The following STK31 variants were observed in gnomAD, a reference collection of about 807,000 sequenced individuals.
The protein encoded by STK31 is serine/threonine-protein kinase 31.
STK31 carries 89 observed loss-of-function variants against 129.7 expected under a neutral mutation model. That is an observed-to-expected ratio of 0.69 (90% CI 0.58 to 0.82). The LOEUF (loss-of-function observed/expected upper bound fraction) is 0.82, where lower values mean the gene tolerates loss of function less well. Ranked by LOEUF, STK31 falls within the 40% of genes least tolerant of loss-of-function variation. The pLI, the probability that STK31 is intolerant of heterozygous loss-of-function variation, is 0.00. For synonymous variants in STK31, 448 were observed against 395.3 expected (o/e 1.13, Z -1.58); for missense variants, 1,187 against 1,176.4 (o/e 1.01, Z -0.13).
chr7:23,722,908 G>C (rs1394020265), intron 4 of STK31: 1 of 152,292 alleles, frequency 6.6e-6, no homozygotes, highest in Non-Finnish European at 1.5e-5. Flanking sequence ...TAATCTCCTC[G>C]TGTGCTGTTG....
At chr7:23,808,027 T>G (rs891743677) in intron 22 of STK31, among the ~76,000 whole-genome samples, 63 of 152,010 alleles carry the variant, frequency 4.1e-4, no homozygotes, top group African/African-American at 1.5e-3. Flanking sequence ...CTGTTCTATT[T>G]GGTGTCCGGT....
chr7:23,828,158 C>G (rs1278186075), intron 23 of STK31, among the ~76,000 whole-genome samples: 1 of 152,166 alleles, frequency 6.6e-6, no homozygotes, highest in Non-Finnish European at 1.5e-5. Context: ...GAGGTTATTG[C>G]TGTCTTTTGT....
chr7:23,731,820 GC>G (rs1338615246), intron 6 of STK31, among the ~76,000 whole-genome samples: 1 of 152,186 alleles, frequency 6.6e-6, no homozygotes, highest in Non-Finnish European at 1.5e-5. Context: ...CAATTTAAAG[GC>G]CTTTTAGCTT....
At chr7:23,717,712 TTATGG>T in intron 4 of STK31, 133 bp downstream of exon 4, 1 of 641,524 alleles carries the variant, frequency 1.6e-6, no homozygotes, top group East Asian at 2.8e-5. Flanking sequence ...TAAACTACTG[TTATGG>T]TATATTTATT....
At chr7:23,717,623 G>T in intron 4 of STK31, 44 bp downstream of exon 4, 1 of 1,437,734 alleles carries the variant, frequency 7.0e-7, no homozygotes, top group Non-Finnish European at 9.7e-7. Flanking sequence ...CCTCCTGTCA[G>T]CTTTCCTGTG....
chr7:23,727,811 C>T (rs959416492), intron 5 of STK31, among the ~76,000 whole-genome samples: 1 of 151,866 alleles, frequency 6.6e-6, no homozygotes, highest in Non-Finnish European at 1.5e-5. Flanking sequence ...CCGTCCGCCT[C>T]AGCCTCCGAA....
In STK31 at chr7:23,752,963, G is replaced by C. The variant is rs1199049619; in HGVS notation, c.1133+131G>C. The C allele has an allele frequency of 8.0e-6, 5 of 624,688 alleles. No homozygotes were observed. The East Asian group carries it at 1.4e-4, about 18-fold the overall frequency. 38.7% of individuals were successfully genotyped at this position (624,688 alleles called of 1,614,324 possible). On this transcript the variant is annotated intron_variant, in intron 9 of 23. Transcript: ENST00000355870. ...TTGTATTTTTATGACTTCAAAGAGA[G>C]AAAGATAGTTATTTCTGAGATGAAT... is the stretch of plus-strand genomic sequence containing the variant.
intron 4 of STK31, among the ~76,000 whole-genome samples, chr7:23,721,139 A>G (rs1786662772): frequency 6.6e-6 from 1 of 152,226 alleles, no homozygotes; most frequent in African/African-American, 2.4e-5. Flanking sequence ...TAGATTTTAT[A>G]AAAGGGATTC....
intron 22 of STK31, among the ~76,000 whole-genome samples, chr7:23,799,712 T>G (rs1229428269): frequency 2.0e-5 from 3 of 152,202 alleles, no homozygotes; most frequent in Non-Finnish European, 1.5e-5. Flanking sequence ...CCAAAAGCAC[T>G]GGCAACAAAT....
At chr7:23,762,651 C>A in intron 10 of STK31, 150 bp from the exon 11 acceptor site, 1 of 749,100 alleles carries the variant, frequency 1.3e-6, no homozygotes, top group Non-Finnish European at 1.9e-6. Context: ...GTTTTTTTGT[C>A]ATTTTGTTGA....
rs10231270 is a variant in STK31 at position 23,789,407 on chromosome 7, T to A, written c.2637+1278T>A. Among the ~76,000 whole-genome samples the A allele has an allele frequency of 2.4e-3, 364 of 152,238 alleles. 1 individual carries two copies. The highest frequency in any genetic ancestry group is 8.3e-3 in the African/African-American group (344 of 41,566). The stretch of plus-strand genomic sequence containing the variant: ...TATTCTTCCCAGTAATGTATAGGGA[T>A]TTTGTTTTCTCTACATCCTTGCCAA... On this transcript the variant is annotated intron_variant, in intron 21 of 23. Transcript: ENST00000355870.
intron 15 of STK31, among the ~76,000 whole-genome samples, chr7:23,773,905 T>A (rs915046133): frequency 3.9e-5 from 6 of 152,080 alleles, no homozygotes; most frequent in African/African-American, 4.8e-5. Context: ...ATTAGGTATT[T>A]CTCCTAATGC....
rs923995505 is a variant in STK31 at position 23,757,653 on chromosome 7, C to T, written c.1293+3179C>T. On this transcript the variant is annotated intron_variant, in intron 10 of 23. Coordinates refer to ENST00000355870, the MANE Select transcript of STK31 (RefSeq NM_031414.5). ...TAGAACATACAATCGGGTTTTACAC[C>T]GAGACATTCCATTGCCCAGGGATGA... 4.6e-5 allele frequency among the ~76,000 whole-genome samples: 7 copies of T among 152,174 alleles called. 1 individual carries two copies. The highest frequency in any genetic ancestry group is 4.2e-4 in the South Asian group (2 of 4,810).
chr7:23,734,850 G>A (rs1787624345), intron 6 of STK31, among the ~76,000 whole-genome samples: 1 of 152,016 alleles, frequency 6.6e-6, no homozygotes, highest in South Asian at 2.1e-4. Context: ...CAGTAGTCCC[G>A]GTTACTGGGG....
chr7:23,814,868 A>G (rs1435595059), intron 22 of STK31, among the ~76,000 whole-genome samples: 1 of 152,134 alleles, frequency 6.6e-6, no homozygotes, highest in Non-Finnish European at 1.5e-5. Flanking sequence ...AACATAATAT[A>G]GGCTACCAAG....
chr7:23,752,960 A>G, intron 9 of STK31, 128 bp downstream of exon 9: 1 of 626,956 alleles, frequency 1.6e-6, no homozygotes. Flanking sequence ...GACTTCAAAG[A>G]GAGAAAGATA....
chr7:23,775,697 T>G (rs980490408), intron 15 of STK31, among the ~76,000 whole-genome samples: 1 of 152,216 alleles, frequency 6.6e-6, no homozygotes, highest in Non-Finnish European at 1.5e-5. Context: ...GAGACTTTGC[T>G]GAAGTTGCTT....
At chr7:23,748,367 G>A (rs369868880) in intron 8 of STK31, among the ~76,000 whole-genome samples, 3 of 152,244 alleles carry the variant, frequency 2.0e-5, no homozygotes, top group East Asian at 3.9e-4. Flanking sequence ...CCAGAATGTG[G>A]TGGCGTATTT....
At chr7:23,808,576 G>C (rs757034259) in intron 22 of STK31, among the ~76,000 whole-genome samples, 5 of 152,070 alleles carry the variant, frequency 3.3e-5, no homozygotes, top group Non-Finnish European at 7.4e-5. Flanking sequence ...GGGAGTGGAA[G>C]TAAGCCCTGT....
Sources: gnomAD v4.1 joint callset for allele counts (sites outside exome capture counted in the v4.1 genomes callset) on GRCh38, gnomAD v4.1.1 for gene constraint, MANE v1.5 for transcripts, NCBI Gene and HGNC (gene_info 2026-07-23, HGNC 2026-07-21) for gene names.